ACMSD: variants seen among roughly 807,000 people sequenced by gnomAD.
ACMSD encodes the protein aminocarboxymuconate semialdehyde decarboxylase.
Under a neutral mutation model 45.9 loss-of-function variants are expected in ACMSD, and 37 were observed. The observed-to-expected ratio is 0.81, with a 90% CI of 0.62 to 1.06. The LOEUF is 1.06. Ranked by LOEUF, ACMSD falls within the 50% of genes least tolerant of loss-of-function variation. The pLI is 0.00. For missense variants in ACMSD, 434 were observed against 420.9 expected (o/e 1.03, Z -0.27); for synonymous variants, 138 against 148.8 (o/e 0.93, Z 0.53).
At chr2:134,887,392 T>C (rs1412223015) in intron 8 of ACMSD, among the ~76,000 whole-genome samples, 2 of 152,166 alleles carry the variant, frequency 1.3e-5, no homozygotes, top group Non-Finnish European at 2.9e-5. Context: ...AATCCAGATA[T>C]ATATCCATTC....
intron 8 of ACMSD, among the ~76,000 whole-genome samples, chr2:134,895,358 AAT>A (rs527577846): frequency 4.8e-5 from 7 of 145,046 alleles, no homozygotes; most frequent in African/African-American, 1.0e-4. Flanking sequence ...TAACATATAT[AAT>A]ATATATATAT....
intron 2 of ACMSD, among the ~76,000 whole-genome samples, chr2:134,851,801 G>A (rs1687357995): frequency 6.6e-6 from 1 of 152,088 alleles, no homozygotes; most frequent in Non-Finnish European, 1.5e-5. Flanking sequence ...TTTTAATAAT[G>A]GCCATTCTGA....
At chr2:134,873,037 T>C in intron 8 of ACMSD, 1 of 204,112 alleles carries the variant, frequency 4.9e-6, no homozygotes, top group South Asian at 1.0e-4. Context: ...TACCTTTCAC[T>C]AGTTGGGTAA....
intron 8 of ACMSD, among the ~76,000 whole-genome samples, chr2:134,892,213 C>G (rs1404323874): frequency 7.9e-6 from 1 of 125,852 alleles, no homozygotes; most frequent in African/African-American, 3.2e-5. Context: ...TGCACTTGTA[C>G]CCCTTACATG....
chr2:134,862,930 C>T, intron 4 of ACMSD: 1 of 980,466 alleles, frequency 1.0e-6, no homozygotes, highest in Non-Finnish European at 1.2e-6. Context: ...ACAAGAAGGA[C>T]AGAGAGGAGG....
rs761339253 is a variant in ACMSD at position 134,901,781 on chromosome 2, T to C, written c.949-17T>C. ...AAACAACCAATAATGCTTTAAAATA[T>C]TTTCTTTTCTTTTCAGAATAAACTC... On this transcript the variant is annotated splice_polypyrimidine_tract_variant and intron_variant, in intron 9 of 9. Coordinates refer to ENST00000356140, the MANE Select transcript of ACMSD (RefSeq NM_138326.3). 6.3e-7 allele frequency: 1 copy of C among 1,586,546 alleles called. No individual in the cohort carries two copies. The highest frequency in any genetic ancestry group is 1.7e-5 in the Admixed American group (1 of 57,368).
intron 8 of ACMSD, among the ~76,000 whole-genome samples, chr2:134,895,316 A>AATATATATATGTTACATATATAAT (rs1559071278): frequency 6.1e-5 from 3 of 49,184 alleles, no homozygotes; most frequent in Admixed American, 3.1e-4. Context: ...AAAGAAAAAA[A>AATATATATATGTTACATATATAAT]ATATATATAT....
chr2:134,897,257 T>C (rs897974553), intron 8 of ACMSD, among the ~76,000 whole-genome samples: 2 of 152,172 alleles, frequency 1.3e-5, no homozygotes, highest in Non-Finnish European at 2.9e-5. Context: ...ATAGACTGTA[T>C]ATATACAAAC....
rs10617563 is a variant in ACMSD at position 134,849,963 on chromosome 2, AACACACAC to A, written c.102+4715_102+4722del. ...ACTGAGTTCATCCCAGGGCCTTGGGAACACACACACACACACACACACACACACACACA... is the reference window on the plus strand; with the variant it reads ...ACTGAGTTCATCCCAGGGCCTTGGGAACACACACACACACACACACACACA... On this transcript the variant is annotated intron_variant, in intron 2 of 9. Coordinates refer to ENST00000356140, the MANE Select transcript of ACMSD (RefSeq NM_138326.3). Among the ~76,000 whole-genome samples, 640 of 145,978 alleles carry A rather than the reference AACACACAC, an allele frequency of 4.4e-3. 8 individuals are homozygous for A. Among genetic ancestry groups the A allele is most frequent in the Middle Eastern group, 0.042 (12 of 288 alleles).
intron 8 of ACMSD, among the ~76,000 whole-genome samples, chr2:134,891,236 T>C (rs758035445): frequency 6.6e-6 from 1 of 152,128 alleles, no homozygotes; most frequent in Non-Finnish European, 1.5e-5. Context: ...GAGTTTTCCC[T>C]AAGTTTTCTC....
intron 8 of ACMSD, among the ~76,000 whole-genome samples, chr2:134,896,797 A>C (rs1394123112): frequency 1.3e-5 from 2 of 152,156 alleles, no homozygotes; most frequent in African/African-American, 2.4e-5. Flanking sequence ...TTAGGTACGT[A>C]TTGATTCAAG....
At chr2:134,852,978 C>T (rs879780035) in intron 2 of ACMSD, among the ~76,000 whole-genome samples, 4 of 151,998 alleles carry the variant, frequency 2.6e-5, no homozygotes, top group Non-Finnish European at 5.9e-5. Flanking sequence ...GCCTGGCCAT[C>T]ATGGTGAAAC....
At position 134,872,595 on chromosome 2, in the gene ACMSD, T is replaced by G; in HGVS notation, c.803T>G (p.Val268Gly). 6.2e-7 allele frequency: 1 copy of G among 1,614,160 alleles called. No homozygotes were observed. The highest frequency in any genetic ancestry group is 8.5e-7 in the Non-Finnish European group (1 of 1,180,014). The change falls in exon 8 of 10, where the codon GTT becomes GGT. Residue 268 changes from valine (V) to glycine (G), a missense_variant. Val to Gly is a moderately radical substitution (Grantham distance 109). Transcript: ENST00000356140. ...YLGSFYTDAL[V>G]HDPLSLKLLT... ...GGTTCCTTTTACACAGATGCTTTGGTTCATGATCCTCTGTCCCTCAAGCTG... is the reference window on the plus strand; with the variant it reads ...GGTTCCTTTTACACAGATGCTTTGGGTCATGATCCTCTGTCCCTCAAGCTG...
chr2:134,874,535 C>A (rs909352254), intron 8 of ACMSD, among the ~76,000 whole-genome samples: 1 of 152,034 alleles, frequency 6.6e-6, no homozygotes, highest in Non-Finnish European at 1.5e-5. Flanking sequence ...GACAAAATGC[C>A]GTGGAGGGAG....
At chr2:134,844,844 G>C (rs1163437653) in intron 1 of ACMSD, among the ~76,000 whole-genome samples, 1 of 152,182 alleles carries the variant, frequency 6.6e-6, no homozygotes, top group African/African-American at 2.4e-5. Flanking sequence ...TCTACTCATG[G>C]ATTGCAACCC....
At chr2:134,891,079 G>T (rs1689756654) in intron 8 of ACMSD, among the ~76,000 whole-genome samples, 1 of 151,912 alleles carries the variant, frequency 6.6e-6, no homozygotes, top group African/African-American at 2.4e-5. Flanking sequence ...CTCCCATACT[G>T]CAGGTTGTCT....
intron 5 of ACMSD, 71 bp from the exon 6 acceptor site, chr2:134,867,508 C>A: frequency 8.0e-7 from 1 of 1,254,204 alleles, no homozygotes; most frequent in South Asian, 1.2e-5. Flanking sequence ...AGCAGTTTCC[C>A]CAAAACAGTA....
intron 9 of ACMSD, among the ~76,000 whole-genome samples, chr2:134,901,303 A>C (rs577982130): frequency 6.6e-6 from 1 of 152,122 alleles, no homozygotes; most frequent in Admixed American, 6.6e-5. Context: ...AGATGTACGG[A>C]TTTGTACCCT....
intron 9 of ACMSD, 90 bp downstream of exon 9, chr2:134,898,529 A>G (rs1248471135): frequency 3.2e-5 from 24 of 753,778 alleles, no homozygotes; most frequent in Non-Finnish European, 4.6e-5. Flanking sequence ...ATAAAAACAA[A>G]GAACAGAGGA....
Sources: allele counts gnomAD v4.1 joint callset (sites outside exome capture counted in the v4.1 genomes callset), GRCh38; gene constraint gnomAD v4.1.1; transcripts MANE v1.5; gene names NCBI Gene and HGNC (gene_info 2026-07-23, HGNC 2026-07-21).